Variants in RNF150 observed in about 807,000 individuals in gnomAD.
RNF150 encodes the protein ring finger protein 150.
In RNF150, 24 loss-of-function variants were observed where a neutral mutation model predicts 39.3. The observed-to-expected ratio is 0.61, with a 90% confidence interval of 0.44 to 0.86. The LOEUF is 0.86. Among genes scored for constraint, RNF150 ranks in the 40% least tolerant of loss-of-function variants. The pLI is 0.00. For synonymous variants in RNF150, 255 were observed against 227.3 expected (o/e 1.12, Z -1.10); for missense variants, 502 against 587.8 (o/e 0.85, Z 1.51).
intron 1 of RNF150, among the ~76,000 whole-genome samples, chr4:141,173,957 A>G (rs1727768810): frequency 6.6e-6 from 1 of 152,198 alleles, no homozygotes. Flanking sequence ...TGATTTATAA[A>G]TACAGTTTAT....
In RNF150 at chr4:140,989,936, T is replaced by C. The variant is rs1013804546; in HGVS notation, c.485-22063A>G. On this transcript the variant is annotated intron_variant, in intron 1 of 6. Transcript: ENST00000515673. The stretch of plus-strand genomic sequence containing the variant: ...CAGAGAGACACTTGCCTTAGACATA[T>C]GCTGAAAGCATGGACTTACCTGCAT... Among the ~76,000 whole-genome samples, 6 of 152,158 alleles carry C rather than the reference T, an allele frequency of 3.9e-5. No homozygotes were observed. The South Asian group carries it at 6.2e-4, about 16-fold the overall frequency.
chr4:140,955,407 T>C (rs2111390556), intron 2 of RNF150, among the ~76,000 whole-genome samples: 1 of 152,262 alleles, frequency 6.6e-6, no homozygotes, highest in East Asian at 1.9e-4. Flanking sequence ...CAGCTCTTTG[T>C]CCTATTTTTG....
At chr4:141,165,124 CA>C (rs1178797976) in intron 1 of RNF150, among the ~76,000 whole-genome samples, 6 of 151,888 alleles carry the variant, frequency 4.0e-5, no homozygotes, top group Admixed American at 3.9e-4. Context: ...AAACGGAAAG[CA>C]AAAAACAGCA....
intron 4 of RNF150, among the ~76,000 whole-genome samples, chr4:140,931,091 A>C (rs1387057891): frequency 6.6e-6 from 1 of 151,948 alleles, no homozygotes; most frequent in Non-Finnish European, 1.5e-5. Flanking sequence ...GAGAGAGAGA[A>C]GGGGCGGGGA....
chr4:141,039,169 T>C (rs1441425326), intron 1 of RNF150, among the ~76,000 whole-genome samples: 2 of 152,134 alleles, frequency 1.3e-5, no homozygotes, highest in Non-Finnish European at 2.9e-5. Context: ...ATGGGTATTA[T>C]AAGAGGGCAT....
intron 5 of RNF150, among the ~76,000 whole-genome samples, chr4:140,924,480 T>TA (rs1283974853): frequency 1.3e-5 from 2 of 152,318 alleles, no homozygotes; most frequent in African/African-American, 4.8e-5. Context: ...TTAATATCTC[T>TA]AAAAATACCC....
intron 6 of RNF150, among the ~76,000 whole-genome samples, chr4:140,878,134 T>C (rs571675688): frequency 6.6e-6 from 1 of 151,506 alleles, no homozygotes; most frequent in African/African-American, 2.4e-5. Flanking sequence ...ATATTAGTCA[T>C]CCTAACAGGT....
rs1340063498 is a variant in RNF150 at position 140,925,979 on chromosome 4, G to A, written c.985C>T (p.Pro329Ser). 9 of 1,607,472 alleles carry A rather than the reference G, an allele frequency of 5.6e-6. No homozygotes were observed. The highest frequency in any genetic ancestry group is 7.7e-6 in the Non-Finnish European group (9 of 1,173,976). Residue 329 changes from proline (P) to serine (S), a missense_variant and splice_region_variant, in exon 5 of 7, where the codon CCG (proline) becomes TCG (serine). Transcript: ENST00000515673. Reference protein sequence around the residue: ...KMNILKALGIPPNADCMDDLP... With the variant: ...KMNILKALGISPNADCMDDLP... ...GCTGTAGGCTGTGCTGTGCTTACCG[G>A]GATCCCTAGGGCTTTAAGAATGTTC...
intron 4 of RNF150, among the ~76,000 whole-genome samples, chr4:140,932,980 G>A (rs148437086): frequency 3.3e-5 from 5 of 152,210 alleles, no homozygotes; most frequent in Non-Finnish European, 5.9e-5. Context: ...GCCACTGAGA[G>A]TTGGGTTCGT....
chr4:140,902,413 T>G (rs1447445744), intron 6 of RNF150, among the ~76,000 whole-genome samples: 1 of 152,254 alleles, frequency 6.6e-6, no homozygotes, highest in East Asian at 1.9e-4. Flanking sequence ...CTTTACAATT[T>G]GGTACACATT....
At chr4:141,160,051 C>T (rs901083536) in intron 1 of RNF150, among the ~76,000 whole-genome samples, 1 of 152,144 alleles carries the variant, frequency 6.6e-6, no homozygotes, top group East Asian at 1.9e-4. Context: ...GTGGGGTCAC[C>T]TGGCACCTGG....
At chr4:141,200,141 C>T (rs929186906) in intron 1 of RNF150, among the ~76,000 whole-genome samples, 1 of 152,180 alleles carries the variant, frequency 6.6e-6, no homozygotes, top group African/African-American at 2.4e-5. Context: ...AAATTTATTT[C>T]TCACAGTTCT....
chr4:140,920,172 C>A (rs1731048699), intron 5 of RNF150, among the ~76,000 whole-genome samples: 1 of 149,088 alleles, frequency 6.7e-6, no homozygotes, highest in South Asian at 2.2e-4. Context: ...GCAACAAAAG[C>A]CAAAATTGAC....
At position 140,968,480 on chromosome 4, in the gene RNF150, T is replaced by G. The variant is rs147063832; in HGVS notation, c.485-607A>C. Among the ~76,000 whole-genome samples, 43 of 152,150 alleles carry G rather than the reference T, an allele frequency of 2.8e-4. No homozygotes were observed. The East Asian group carries it at 8.2e-3, about 29-fold the overall frequency. On this transcript the variant is annotated intron_variant, in intron 1 of 6. Coordinates refer to ENST00000515673, the MANE Select transcript of RNF150 (RefSeq NM_020724.2). ...TGAAATTATGGTCCCAGAACTATTT[T>G]CTGCTTATTTTACCTAATTCAATGG...
At chr4:140,935,871 G>A (rs1046314756) in intron 4 of RNF150, among the ~76,000 whole-genome samples, 30 of 151,990 alleles carry the variant, frequency 2.0e-4, no homozygotes, top group Admixed American at 7.9e-4. Flanking sequence ...GTATGTTTAC[G>A]TACATACCAC....
intron 4 of RNF150, among the ~76,000 whole-genome samples, chr4:140,940,847 T>C (rs1732054641): frequency 6.6e-6 from 1 of 152,226 alleles, no homozygotes; most frequent in South Asian, 2.1e-4. Flanking sequence ...CCATTCTGCC[T>C]ATGGGATAGC....
At chr4:141,126,095 T>C (rs79151826) in intron 1 of RNF150, among the ~76,000 whole-genome samples, 21 of 150,210 alleles carry the variant, frequency 1.4e-4, no homozygotes, top group African/African-American at 2.9e-4. Flanking sequence ...AATAAATACA[T>C]ACACACACAC....
intron 6 of RNF150, among the ~76,000 whole-genome samples, chr4:140,905,182 G>C (rs1730329093): frequency 6.6e-6 from 1 of 152,098 alleles, no homozygotes; most frequent in Non-Finnish European, 1.5e-5. Flanking sequence ...TGTCTTGTAA[G>C]TGCATTTTGA....
chr4:141,168,301 G>A (rs1727636628), intron 1 of RNF150, among the ~76,000 whole-genome samples: 1 of 152,202 alleles, frequency 6.6e-6, no homozygotes, highest in African/African-American at 2.4e-5. Context: ...AACAACATAT[G>A]TTGGAGAGGA....
Sources: allele counts gnomAD v4.1 joint callset (sites outside exome capture counted in the v4.1 genomes callset), GRCh38; gene constraint gnomAD v4.1.1; transcripts MANE v1.5; gene names NCBI Gene and HGNC (gene_info 2026-07-23, HGNC 2026-07-21).